DENND6A: variants seen among roughly 807,000 people sequenced by gnomAD.
DENND6A encodes the protein protein DENND6A.
DENND6A carries 43 observed loss-of-function variants against 95.5 expected under a neutral mutation model. That is an observed-to-expected ratio of 0.45 (90% CI 0.35 to 0.58). The LOEUF (loss-of-function observed/expected upper bound fraction) is 0.58. Among genes scored for constraint, DENND6A ranks in the 20% least tolerant of loss-of-function variants. DENND6A has a pLI of 0.00. For synonymous variants in DENND6A, 257 were observed against 260.4 expected (o/e 0.99, Z 0.13); for missense variants, 574 against 736.0 (o/e 0.78, Z 2.55).
chr3:57,634,029 T>A (rs1327096733), intron 14 of DENND6A, among the ~76,000 whole-genome samples: 1 of 152,176 alleles, frequency 6.6e-6, no homozygotes. Flanking sequence ...TTTTTCACTA[T>A]AATTTCCAAG....
In DENND6A at chr3:57,663,659, G is replaced by C. The variant is rs757058624; in HGVS notation, c.490C>G (p.Leu164Val). Residue 164 changes from leucine (L) to valine (V), a missense_variant, in exon 5 of 20, where the codon CTA becomes GTA. By Grantham distance (32) the Leu-to-Val change is conservative (BLOSUM62 1). Coordinates refer to ENST00000311128, the MANE Select transcript of DENND6A (RefSeq NM_152678.3). Reference sequence around the variant, plus strand: ...ACCTTCTGAAAGTAGCCTCTTTTTAGAGTTTTATCTCGAACTTGTCGGAAA... The same window carrying C: ...ACCTTCTGAAAGTAGCCTCTTTTTACAGTTTTATCTCGAACTTGTCGGAAA... ...VYFRQVRDKTLKRGYFQKSLV... is the reference protein window; with the variant it reads ...VYFRQVRDKTVKRGYFQKSLV... The C allele has an allele frequency of 3.2e-6, 5 of 1,585,674 alleles. No individual in the cohort carries two copies. The African/African-American group carries it at 5.4e-5, about 17-fold the overall frequency.
chr3:57,631,598 G>T (rs1015724138), intron 15 of DENND6A, among the ~76,000 whole-genome samples: 2 of 151,968 alleles, frequency 1.3e-5, no homozygotes, highest in Non-Finnish European at 2.9e-5. Flanking sequence ...TCCTTGGAAT[G>T]ATCCTATGTG....
chr3:57,692,682 C>G, intron 1 of DENND6A, 100 bp downstream of exon 1: 1 of 1,129,126 alleles, frequency 8.9e-7, no homozygotes, highest in South Asian at 1.9e-5. Context: ...GGATGCGCCG[C>G]GGACAGGGTC....
chr3:57,638,401 C>T (rs13090738), intron 12 of DENND6A, among the ~76,000 whole-genome samples: 113,459 of 151,770 alleles, frequency 0.75, 44,523 homozygotes, highest in East Asian at 1. Flanking sequence ...CTCACGCCTA[C>T]AATTGCAGCA....
At chr3:57,634,376 T>G (rs978802529) in intron 14 of DENND6A, among the ~76,000 whole-genome samples, 182 bp downstream of exon 14, 14 of 145,698 alleles carry the variant, frequency 9.6e-5, no homozygotes, top group African/African-American at 1.0e-4. Context: ...GAGGTTGCAG[T>G]GAGCTGAGAT....
intron 1 of DENND6A, among the ~76,000 whole-genome samples, chr3:57,678,342 CATAAAGAG>C (rs1559829877): frequency 6.6e-6 from 1 of 152,180 alleles, no homozygotes; most frequent in Non-Finnish European, 1.5e-5. Flanking sequence ...CTTCAAGACC[CATAAAGAG>C]TACCTCACAC....
chr3:57,631,405 A>T (rs1216182411), intron 15 of DENND6A, among the ~76,000 whole-genome samples: 1 of 152,112 alleles, frequency 6.6e-6, no homozygotes, highest in Non-Finnish European at 1.5e-5. Flanking sequence ...CATGTTGGTC[A>T]GGCTGGTCTC....
intron 9 of DENND6A, among the ~76,000 whole-genome samples, chr3:57,653,352 A>C (rs550355475): frequency 1.3e-5 from 2 of 152,340 alleles, no homozygotes; most frequent in East Asian, 1.9e-4. Flanking sequence ...CATTCTTTGA[A>C]AGCTTTGTAT....
chr3:57,631,716 C>CTTTTTTTTTT (rs1156532234), intron 15 of DENND6A, among the ~76,000 whole-genome samples: 2 of 92,014 alleles, frequency 2.2e-5, no homozygotes, highest in African/African-American at 4.1e-5. Flanking sequence ...TCTCTGCTCT[C>CTTTTTTTTTT]TTTTTTTTTT....
Position 57,692,808 on chromosome 3 carries a change from C to A in DENND6A, c.211G>T (p.Asp71Tyr). ...TCCACGGCCTGGCCCAGCTCCAGGT[C>A]GAAGCCCACCACACACACGCAGTGC... ...WLHCVCVVGFDLELGQAVEVI... is the reference protein window; with the variant it reads ...WLHCVCVVGFYLELGQAVEVI... The change falls in exon 1 of 20, where the codon GAC becomes TAC. Residue 71 changes from aspartate (D) to tyrosine (Y), a missense_variant. Physicochemically the swap from Asp to Tyr is radical, Grantham distance 160. Coordinates refer to ENST00000311128, the MANE Select transcript of DENND6A (RefSeq NM_152678.3). 3 of 1,561,340 alleles carry A rather than the reference C, an allele frequency of 1.9e-6. No homozygotes were observed. The highest frequency in any genetic ancestry group is 2.6e-6 in the Non-Finnish European group (3 of 1,158,196).
rs747718367 is a variant in DENND6A, at chr3:57,660,485, TC to T, written c.699+274del. On this transcript the variant is annotated intron_variant, in intron 7 of 19. Transcript: ENST00000311128. ...TCACAGGTGTGAGCCACCACGCCTG[TC>T]CAAAAGTTCTTTAAAAAGATCACAA... Among the ~76,000 whole-genome samples the T allele has an allele frequency of 4.6e-4, 70 of 152,210 alleles. No individual in the cohort carries two copies. The Middle Eastern group carries it at 0.014, about 30-fold the overall frequency.
chr3:57,648,614 C>G (rs563004517), intron 9 of DENND6A, among the ~76,000 whole-genome samples: 1 of 152,230 alleles, frequency 6.6e-6, no homozygotes, highest in African/African-American at 2.4e-5. Context: ...TGCCTTCAAA[C>G]TACACTGTAA....
rs559045679 is a variant in DENND6A at position 57,650,837 on chromosome 3, T to C, written c.819-4399A>G. Among the ~76,000 whole-genome samples, 5 of 147,808 alleles carry C rather than the reference T, an allele frequency of 3.4e-5. No individual in the cohort carries two copies. In the South Asian group the frequency reaches 1.1e-3, roughly 32 times the overall value. On this transcript the variant is annotated intron_variant, in intron 9 of 19. Transcript: ENST00000311128. ...TTTGCTCTTGTTGCCCAGACTGGAGTGCAATGGCGCGATCTTGGCTCACCA... is the reference window on the plus strand; with the variant it reads ...TTTGCTCTTGTTGCCCAGACTGGAGCGCAATGGCGCGATCTTGGCTCACCA...
intron 9 of DENND6A, among the ~76,000 whole-genome samples, chr3:57,651,507 G>C: frequency 6.6e-6 from 1 of 152,268 alleles, no homozygotes; most frequent in South Asian, 2.1e-4. Flanking sequence ...CAAGGGGCTG[G>C]GAAGAAGAGG....
rs183619213 is a variant in DENND6A, at chr3:57,640,681, G to A, written c.1132+972C>T. On this transcript the variant is annotated intron_variant, in intron 12 of 19. Coordinates refer to ENST00000311128, the MANE Select transcript of DENND6A (RefSeq NM_152678.3). Reference sequence around the variant, plus strand: ...TGAATGTCCATTGTCATGTCGGAGAGATGTCTTCCATTGGAAGGAGAAAAT... The same window carrying A: ...TGAATGTCCATTGTCATGTCGGAGAAATGTCTTCCATTGGAAGGAGAAAAT... Among the ~76,000 whole-genome samples, 4 of 152,302 alleles carry A rather than the reference G, an allele frequency of 2.6e-5. No homozygotes were observed. The East Asian group carries it at 5.8e-4, about 22-fold the overall frequency.
intron 1 of DENND6A, among the ~76,000 whole-genome samples, chr3:57,684,103 G>C (rs1243050816): frequency 1.5e-5 from 2 of 131,248 alleles, no homozygotes; most frequent in Non-Finnish European, 3.1e-5. Context: ...AGCGAGCCAA[G>C]ATTGTGCCAC....
intron 9 of DENND6A, among the ~76,000 whole-genome samples, chr3:57,656,303 C>T (rs1262996508): frequency 6.6e-6 from 1 of 152,200 alleles, no homozygotes; most frequent in Non-Finnish European, 1.5e-5. Context: ...GAAACTTTCA[C>T]TTAGCATAAT....
intron 11 of DENND6A, among the ~76,000 whole-genome samples, chr3:57,643,685 G>T (rs1006490499): frequency 1.3e-5 from 2 of 151,918 alleles, no homozygotes; most frequent in African/African-American, 2.4e-5. Flanking sequence ...AAATTAGCTG[G>T]GTGTGGTGGT....
intron 12 of DENND6A, among the ~76,000 whole-genome samples, chr3:57,640,302 A>T (rs1233926618): frequency 6.7e-6 from 1 of 150,360 alleles, no homozygotes; most frequent in South Asian, 2.1e-4. Flanking sequence ...AAAAAACAAA[A>T]AAGGTAGTGG....
Sources: gnomAD v4.1 joint callset for allele counts (sites outside exome capture counted in the v4.1 genomes callset) on GRCh38, gnomAD v4.1.1 for gene constraint, MANE v1.5 for transcripts, NCBI Gene and HGNC (gene_info 2026-07-23, HGNC 2026-07-21) for gene names.